SNED1: variants seen among roughly 807,000 people sequenced by gnomAD.
The protein encoded by SNED1 is sushi, nidogen and EGF like domains 1, also known as sushi, nidogen and EGF-like domain-containing protein 1.
Under a neutral mutation model 166.7 loss-of-function variants are expected in SNED1, and 81 were observed. The ratio of observed to expected loss-of-function variants is 0.49; its 90% confidence interval spans 0.41 to 0.58. The LOEUF is 0.58. Among genes scored for constraint, SNED1 ranks in the 20% least tolerant of loss-of-function variants. The pLI is 0.00. For missense variants in SNED1, 1,604 were observed against 2,000.2 expected (o/e 0.80, Z 3.78); for synonymous variants, 762 against 822.0 (o/e 0.93, Z 1.25).
At chr2:241,077,385 A>G (rs1404613260) in intron 27 of SNED1, among the ~76,000 whole-genome samples, 2 of 152,188 alleles carry the variant, frequency 1.3e-5, no homozygotes, top group African/African-American at 4.8e-5. Context: ...CTCAACAATA[A>G]AAGTATGAGC....
intron 1 of SNED1, among the ~76,000 whole-genome samples, chr2:241,005,683 TTTTG>T (rs1191197516): frequency 6.6e-6 from 1 of 152,040 alleles, no homozygotes; most frequent in South Asian, 2.1e-4. Context: ...TGACTTTGGA[TTTTG>T]TTTGTGTTTT....
intron 3 of SNED1, 48 bp from the exon 4 acceptor site, chr2:241,034,520 A>G (rs745473786): frequency 6.5e-7 from 1 of 1,528,878 alleles, no homozygotes; most frequent in Admixed American, 1.8e-5. Flanking sequence ...CCACCTCTGT[A>G]GACCTGGGGA....
rs2064012280 is a variant in SNED1, at chr2:241,091,627, T to C, written c.*2-11T>C. ...ATTCTCCTCATGCTTCACTTTGTTT[T>C]TTCTTCAAAGGATTTAAGACGTTCT... On this transcript the variant is annotated splice_polypyrimidine_tract_variant and intron_variant, in intron 31 of 31. Transcript: ENST00000310397. This position sits in a 1 kb window ranked among gnomAD's most constrained non-coding sequence, Gnocchi z 4.1. The C allele has an allele frequency of 6.6e-6, 1 of 152,250 alleles. No homozygotes were observed. The highest frequency in any genetic ancestry group is 1.9e-4 in the East Asian group (1 of 5,194). 9.4% of individuals were successfully genotyped at this position (152,250 alleles called of 1,614,324 possible). A position where few individuals can be genotyped will look rare whatever the true frequency, so the allele number is the denominator to read the frequency against.
intron 1 of SNED1, among the ~76,000 whole-genome samples, chr2:241,021,975 T>C (rs1361533709): frequency 1.3e-5 from 2 of 152,174 alleles, no homozygotes; most frequent in African/African-American, 4.8e-5. Context: ...TGAAAAGTGG[T>C]ATCTTGTGTT....
chr2:241,070,458 C>T (rs560981817), intron 24 of SNED1, among the ~76,000 whole-genome samples: 2 of 152,242 alleles, frequency 1.3e-5, no homozygotes, highest in East Asian at 1.9e-4. Flanking sequence ...CGGACCCTCC[C>T]GTAGATCCCA....
At position 241,033,848 on chromosome 2, in the gene SNED1, C is replaced by G. The variant is rs556815346; in HGVS notation, c.615C>G (p.Ala205=). The G allele has an allele frequency of 6.2e-7, 1 of 1,607,268 alleles. No individual in the cohort carries two copies. Among genetic ancestry groups the G allele is most frequent in the South Asian group, 1.1e-5 (1 of 89,712 alleles). The change falls in exon 3 of 32, where the codon GCC becomes GCG. Residue 205 remains alanine, a synonymous_variant. Transcript: ENST00000310397. ...CACACGCCAGCAGCGGGGGCAACGCCACTGGCCTCGGGGGCATCGCAGCCC... is the reference window on the plus strand; with the variant it reads ...CACACGCCAGCAGCGGGGGCAACGCGACTGGCCTCGGGGGCATCGCAGCCC... ...TGTHASSGGN[A]TGLGGIAAQA...
At position 241,037,187 on chromosome 2, in the gene SNED1, A is replaced by T. The variant is rs953305823; in HGVS notation, c.932-53A>T. 9.0e-6 allele frequency: 13 copies of T among 1,442,396 alleles called. No homozygotes were observed. The Admixed American group carries it at 2.6e-4, about 28-fold the overall frequency. The allele number at this position is 1,442,396 out of a possible 1,614,324, so 89.3% of individuals were successfully genotyped here. ...CGGCCCAACCCGAGCCCTTAGAGAA[A>T]ACTCCTCATCCGGGTTCCCGCCGCT... On this transcript the variant is annotated intron_variant, in intron 5 of 31. Coordinates refer to ENST00000310397, the MANE Select transcript of SNED1 (RefSeq NM_001080437.3).
Position 241,068,044 on chromosome 2 carries a change from G to A in SNED1, c.3194+97G>A. Reference sequence around the variant, plus strand: ...GTCTCGGGCACATTCTCCGTGTGTGGACTGTACCACCTGCCGCTCCTCACC... The same window carrying A: ...GTCTCGGGCACATTCTCCGTGTGTGAACTGTACCACCTGCCGCTCCTCACC... On this transcript the variant is annotated intron_variant, in intron 22 of 31. Transcript: ENST00000310397. This position sits in a 1 kb window ranked among gnomAD's most constrained non-coding sequence, Gnocchi z 5.3. 8.7e-7 allele frequency: 1 copy of A among 1,155,570 alleles called. No homozygotes were observed. Among genetic ancestry groups the A allele is most frequent in the Non-Finnish European group, 1.2e-6 (1 of 825,634 alleles). 71.6% of individuals were successfully genotyped at this position (1,155,570 alleles called of 1,614,324 possible). A position where few individuals can be genotyped will look rare whatever the true frequency, so the allele number is the denominator to read the frequency against.
intron 26 of SNED1, 192 bp downstream of exon 26, chr2:241,072,070 GA>G (rs2062755135): frequency 1.4e-6 from 1 of 704,888 alleles, no homozygotes; most frequent in South Asian, 1.5e-5. Context: ...TCCATGGCAG[GA>G]GGGGCAGCTC....
chr2:241,015,846 TC>T (rs1201903557), intron 1 of SNED1: 1 of 153,260 alleles, frequency 6.5e-6, no homozygotes, highest in Non-Finnish European at 1.5e-5. Flanking sequence ...AAGCAAGTGT[TC>T]CGGGTTCAGC....
At chr2:241,065,952 C>A (rs2062429850) in intron 21 of SNED1, among the ~76,000 whole-genome samples, 1 of 97,098 alleles carries the variant, frequency 1.0e-5, no homozygotes, top group African/African-American at 3.9e-5. Context: ...CGGGGGTGGG[C>A]TTGGGGGGGC....
At chr2:241,032,547 A>T (rs903322583) in intron 2 of SNED1, among the ~76,000 whole-genome samples, 1 of 152,030 alleles carries the variant, frequency 6.6e-6, no homozygotes, top group African/African-American at 2.4e-5. Context: ...TGACTAGGTA[A>T]TGGGTGCAGC....
At chr2:241,045,701 A>G (rs893331951) in intron 8 of SNED1, among the ~76,000 whole-genome samples, 1 of 147,546 alleles carries the variant, frequency 6.8e-6, no homozygotes, top group Non-Finnish European at 1.5e-5. Flanking sequence ...GATTTTTAGA[A>G]GAAAACATAG....
At chr2:241,045,872 T>C (rs1284448830) in intron 8 of SNED1, among the ~76,000 whole-genome samples, 1 of 152,170 alleles carries the variant, frequency 6.6e-6, no homozygotes, top group African/African-American at 2.4e-5. Context: ...AAAGACAAGC[T>C]ACAGACCAGG....
At chr2:241,011,224 C>T (rs1050699803) in intron 1 of SNED1, among the ~76,000 whole-genome samples, 5 of 105,810 alleles carry the variant, frequency 4.7e-5, no homozygotes, top group East Asian at 5.5e-4. Context: ...TCTCCTGGGT[C>T]TCCTGGGGGT....
At position 241,065,366 on chromosome 2, in the gene SNED1, C is replaced by T. The variant is rs370256980; in HGVS notation, c.2781C>T (p.Asn927=). The change falls in exon 21 of 32, where the codon AAC becomes AAT. Residue 927 remains asparagine (N), a synonymous_variant. Transcript: ENST00000310397. ...VEESGVSISW[N]PPNGPAARQM... is the part of the protein sequence containing the mutation. ...AGAGTGGGGTCTCTATCTCCTGGAACCCGCCCAATGGTCCAGCCGCCAGGC... is the reference window on the plus strand; with the variant it reads ...AGAGTGGGGTCTCTATCTCCTGGAATCCGCCCAATGGTCCAGCCGCCAGGC... The T allele has an allele frequency of 4.3e-5, 69 of 1,613,028 alleles. No individual in the cohort carries two copies. The highest frequency in any genetic ancestry group is 5.8e-5 in the Non-Finnish European group (69 of 1,179,868).
rs760522274 is a variant in SNED1, at chr2:241,065,384, C to T, written c.2799C>T (p.Ala933=). The T allele has an allele frequency of 3.9e-5, 63 of 1,613,060 alleles. No homozygotes were observed. Among genetic ancestry groups the T allele is most frequent in the Admixed American group, 6.7e-5 (4 of 59,996 alleles). The change falls in exon 21 of 32, where the codon GCC becomes GCT. Residue 933 remains alanine (A), a synonymous_variant. Coordinates refer to ENST00000310397, the MANE Select transcript of SNED1 (RefSeq NM_001080437.3). ...CCTGGAACCCGCCCAATGGTCCAGC[C>T]GCCAGGCAGATGCTTGATGGCTACG... ...SISWNPPNGP[A]ARQMLDGYAV...
rs367589631 is a variant in SNED1 at position 241,073,766 on chromosome 2, G to A, written c.3916+402G>A. ...CAGGATGGGAGAAGCAGAGGGAGCA[G>A]CCACTGGGCGAGCCCCAGCTTGAGG... is the stretch of plus-strand genomic sequence containing the variant. On this transcript the variant is annotated intron_variant, in intron 27 of 31. Transcript: ENST00000310397. The surrounding 1 kb of genome is among the most constrained non-coding windows in gnomAD (Gnocchi z 6.6). 32 of 353,494 alleles carry A rather than the reference G, an allele frequency of 9.1e-5. No homozygotes were observed. Among genetic ancestry groups the A allele is most frequent in the African/African-American group, 6.4e-4 (31 of 48,802 alleles). 21.9% of individuals were successfully genotyped at this position (353,494 alleles called of 1,614,324 possible). A position where few individuals can be genotyped will look rare whatever the true frequency, so the allele number is the denominator to read the frequency against.
At chr2:241,034,825 C>T (rs180796224) in intron 4 of SNED1, 95 bp downstream of exon 4, 13,815 of 1,351,314 alleles carry the variant, frequency 0.01, 104 homozygotes, top group Admixed American at 0.012. Context: ...TGGATGCTGA[C>T]GGGGAGAGCA....
Sources: allele counts gnomAD v4.1 joint callset (sites outside exome capture counted in the v4.1 genomes callset), GRCh38; gene constraint gnomAD v4.1.1; non-coding constraint Gnocchi (gnomAD v3.1); transcripts MANE v1.5; gene names NCBI Gene and HGNC (gene_info 2026-07-23, HGNC 2026-07-21).